TGM3: variants seen among roughly 807,000 people sequenced by gnomAD.
The protein encoded by TGM3 is transglutaminase 3.
Under a neutral mutation model 73.8 loss-of-function variants are expected in TGM3, and 52 were observed. That is an observed-to-expected ratio of 0.70 (90% CI 0.56 to 0.89). TGM3 has a LOEUF of 0.89. Among genes scored for constraint, TGM3 ranks in the 40% least tolerant of loss-of-function variants. The pLI, the probability that TGM3 is intolerant of heterozygous loss-of-function variation, is 0.00. For missense variants in TGM3, 928 were observed against 909.9 expected, an observed-to-expected ratio of 1.02 and a Z score of -0.26; for synonymous variants, 372 against 354.9, an observed-to-expected ratio of 1.05 and a Z score of -0.54.
chr20:2,308,235 GA>G (rs1416639684), intron 1 of TGM3, among the ~76,000 whole-genome samples: 5 of 151,978 alleles, frequency 3.3e-5, no homozygotes. Flanking sequence ...AAATAAAATA[GA>G]ATAAAAGATT....
intron 7 of TGM3, among the ~76,000 whole-genome samples, chr20:2,322,367 T>C (rs2084266880): frequency 6.6e-6 from 1 of 152,116 alleles, no homozygotes; most frequent in African/African-American, 2.4e-5. Flanking sequence ...AATAGACACA[T>C]CCCACTTTTT....
chr20:2,337,523 A>G (rs2084356859), intron 11 of TGM3, among the ~76,000 whole-genome samples: 1 of 152,168 alleles, frequency 6.6e-6, no homozygotes, highest in African/African-American at 2.4e-5. Flanking sequence ...GTTCAAGACC[A>G]GCCTGGCCAA....
intron 7 of TGM3, among the ~76,000 whole-genome samples, chr20:2,319,244 G>A (rs1267972920): frequency 2.0e-5 from 3 of 152,298 alleles, no homozygotes; most frequent in East Asian, 3.9e-4. Flanking sequence ...CAAGTTGGGG[G>A]TCCCCTCGGC....
intron 11 of TGM3, among the ~76,000 whole-genome samples, chr20:2,338,770 A>G (rs1462189264): frequency 1.3e-5 from 2 of 152,236 alleles, no homozygotes; most frequent in African/African-American, 4.8e-5. Context: ...GAAGAAATCC[A>G]ATAGCCATAA....
chr20:2,339,499 G>T (rs2084368600), intron 11 of TGM3, among the ~76,000 whole-genome samples: 1 of 152,162 alleles, frequency 6.6e-6, no homozygotes, highest in Admixed American at 6.5e-5. Flanking sequence ...CATGAAAAAT[G>T]TCCTGACCCT....
chr20:2,314,854 C>T (rs564161612), intron 5 of TGM3, among the ~76,000 whole-genome samples: 1 of 152,218 alleles, frequency 6.6e-6, no homozygotes, highest in East Asian at 1.9e-4. Context: ...GATCTCTTGA[C>T]TTTTGAGTTG....
At chr20:2,297,537 G>A (rs1313813403) in intron 1 of TGM3, among the ~76,000 whole-genome samples, 1 of 152,166 alleles carries the variant, frequency 6.6e-6, no homozygotes, top group Non-Finnish European at 1.5e-5. Context: ...AGGACCTCCC[G>A]TGGACTCTCA....
chr20:2,340,041 C>T (rs971228774), intron 12 of TGM3, 54 bp downstream of exon 12: 1 of 1,498,730 alleles, frequency 6.7e-7, no homozygotes, highest in Non-Finnish European at 9.1e-7. Flanking sequence ...GGCGGGGGGG[C>T]CCTCCAGATC....
intron 12 of TGM3, 53 bp downstream of exon 12, chr20:2,340,040 G>GGGGGGGGC: frequency 1.1e-6 from 1 of 944,848 alleles, no homozygotes; most frequent in Non-Finnish European, 1.6e-6. Context: ...GGGCGGGGGG[G>GGGGGGGGC]CCCTCCAGAT....
At chr20:2,315,798 G>A (rs981540152) in intron 5 of TGM3, among the ~76,000 whole-genome samples, 1 of 152,234 alleles carries the variant, frequency 6.6e-6, no homozygotes, top group African/African-American at 2.4e-5. Flanking sequence ...CTAGAGAGGT[G>A]AACAGACCTT....
chr20:2,335,047 CTGTT>C, intron 10 of TGM3, 65 bp from the exon 11 acceptor site: 1 of 1,579,904 alleles, frequency 6.3e-7, no homozygotes, highest in Non-Finnish European at 8.6e-7. Flanking sequence ...GGCTTGGCAT[CTGTT>C]CTGAGGAAGG....
chr20:2,335,312 C>T (rs2084343842), intron 11 of TGM3, 39 bp downstream of exon 11: 5 of 1,609,110 alleles, frequency 3.1e-6, no homozygotes, highest in South Asian at 1.1e-5. Flanking sequence ...GGGTTCTGCC[C>T]CCAGCCAGCC....
chr20:2,317,286 G>A (rs758328163), intron 6 of TGM3, 41 bp downstream of exon 6: 1 of 1,613,698 alleles, frequency 6.2e-7, no homozygotes. Flanking sequence ...TCAGTGGGTG[G>A]CAGTGGGCTA....
chr20:2,302,289 G>A (rs2084152470), intron 1 of TGM3, among the ~76,000 whole-genome samples: 2 of 152,114 alleles, frequency 1.3e-5, no homozygotes, highest in Admixed American at 6.5e-5. Flanking sequence ...GGATTGAGAC[G>A]GCTGACTAGC....
At chr20:2,307,553 C>G (rs1455758718) in intron 1 of TGM3, among the ~76,000 whole-genome samples, 1 of 152,150 alleles carries the variant, frequency 6.6e-6, no homozygotes, top group Non-Finnish European at 1.5e-5. Flanking sequence ...ATCCCTACAA[C>G]TGAAAGTGAC....
intron 4 of TGM3, among the ~76,000 whole-genome samples, chr20:2,311,377 C>A (rs914819208): frequency 2.0e-5 from 3 of 152,178 alleles, no homozygotes; most frequent in Non-Finnish European, 4.4e-5. Context: ...CAAGACAGAA[C>A]ACACACATAA....
In TGM3 at chr20:2,339,839, C is replaced by T. The variant is rs2084370453; in HGVS notation, c.1801-15C>T. ...GCAGCTGGAGTCCTGACTCGGCAGC[C>T]CCTCTCCCCCATAGGTGCTGAACGA... On this transcript the variant is annotated splice_polypyrimidine_tract_variant and intron_variant, in intron 11 of 12. Transcript: ENST00000381458. The T allele has an allele frequency of 1.9e-6, 3 of 1,613,842 alleles. No individual in the cohort carries two copies. The highest frequency in any genetic ancestry group is 2.5e-6 in the Non-Finnish European group (3 of 1,179,970).
At chr20:2,340,356 A>T in intron 12 of TGM3, 78 bp from the exon 13 acceptor site, 1 of 1,577,448 alleles carries the variant, frequency 6.3e-7, no homozygotes, top group Non-Finnish European at 8.7e-7. Flanking sequence ...TCAGAACAGG[A>T]CAGGAGGTCA....
At chr20:2,302,755 T>C (rs1198725515) in intron 1 of TGM3, among the ~76,000 whole-genome samples, 1 of 148,446 alleles carries the variant, frequency 6.7e-6, no homozygotes, top group Admixed American at 6.7e-5. Flanking sequence ...CAAACAAATA[T>C]TACCATGTGC....
Sources: gnomAD v4.1 joint callset for allele counts (sites outside exome capture counted in the v4.1 genomes callset) on GRCh38, gnomAD v4.1.1 for gene constraint, MANE v1.5 for transcripts, NCBI Gene and HGNC (gene_info 2026-07-23, HGNC 2026-07-21) for gene names.